Variants in SPAG16 observed in about 807,000 individuals in gnomAD.
SPAG16 encodes sperm-associated antigen 16 protein.
A neutral mutation model predicts 80.4 loss-of-function variants in SPAG16; 86 were observed. That is an observed-to-expected ratio of 1.07 (90% CI 0.90 to 1.28). The LOEUF (loss-of-function observed/expected upper bound fraction) is 1.28, where lower values mean the gene tolerates loss of function less well. Ranked by LOEUF, SPAG16 falls within the 50% of genes most tolerant of loss-of-function variation. SPAG16 has a pLI of 0.00. For missense variants in SPAG16, 870 were observed against 765.3 expected, an observed-to-expected ratio of 1.14 and a Z score of -1.61; for synonymous variants, 294 against 265.9, an observed-to-expected ratio of 1.11 and a Z score of -1.03.
chr2:213,419,961 C>T lies in SPAG16; in HGVS notation c.942+44842C>T, dbSNP rs149364255. 4.8e-3 allele frequency among the ~76,000 whole-genome samples: 730 copies of T among 152,242 alleles called. 8 individuals carry two copies. The highest frequency in any genetic ancestry group is 0.016 in the African/African-American group (683 of 41,538). On this transcript the variant is annotated intron_variant, in intron 9 of 15. Coordinates refer to ENST00000331683, the MANE Select transcript of SPAG16 (RefSeq NM_024532.5). The stretch of plus-strand genomic sequence containing the variant: ...TCTCCCTTTTCCTCAAGTAGATGAA[C>T]GTATGACAGGTTGCATTTACAATAA...
chr2:213,862,666 C>G, intron 11 of SPAG16, 38 bp downstream of exon 11: 10 of 1,607,366 alleles, frequency 6.2e-6, no homozygotes, highest in Non-Finnish European at 8.5e-6. Context: ...CCTAATCTCT[C>G]TAGGAATGTG....
chr2:213,613,536 A>AT (rs2061502852), intron 10 of SPAG16, among the ~76,000 whole-genome samples: 1 of 151,992 alleles, frequency 6.6e-6, no homozygotes, highest in African/African-American at 2.4e-5. Context: ...ATCTATAGGC[A>AT]TTTTTTCCTC....
intron 10 of SPAG16, among the ~76,000 whole-genome samples, chr2:213,684,341 G>A (rs1255397335): frequency 6.6e-6 from 1 of 152,158 alleles, no homozygotes; most frequent in Non-Finnish European, 1.5e-5. Context: ...GGTGTGCAAA[G>A]GAAAGTGGAA....
intron 13 of SPAG16, among the ~76,000 whole-genome samples, chr2:214,081,776 G>A (rs1374961569): frequency 6.6e-6 from 1 of 151,766 alleles, no homozygotes; most frequent in Non-Finnish European, 1.5e-5. Flanking sequence ...TGATGATTCT[G>A]TCTGCCTCTA....
chr2:213,736,852 G>A (rs971544596), intron 10 of SPAG16, among the ~76,000 whole-genome samples: 1 of 151,358 alleles, frequency 6.6e-6, no homozygotes, highest in East Asian at 2.0e-4. Flanking sequence ...TTACAGGCGC[G>A]CACCACCATG....
chr2:213,704,908 G>A (rs976748295), intron 10 of SPAG16, among the ~76,000 whole-genome samples: 2 of 152,052 alleles, frequency 1.3e-5, no homozygotes, highest in Non-Finnish European at 2.9e-5. Context: ...TTGTCCAGAC[G>A]AAAAGCGAAG....
intron 12 of SPAG16, among the ~76,000 whole-genome samples, chr2:213,968,859 T>G (rs1364081186): frequency 6.6e-6 from 1 of 152,238 alleles, no homozygotes; most frequent in African/African-American, 2.4e-5. Context: ...CTAACTTTTG[T>G]ACATAGCACA....
intron 9 of SPAG16, among the ~76,000 whole-genome samples, chr2:213,402,947 A>G (rs1174070257): frequency 6.6e-6 from 1 of 152,100 alleles, no homozygotes; most frequent in African/African-American, 2.4e-5. Flanking sequence ...ATACCCAGTA[A>G]TGGGATGGCT....
intron 15 of SPAG16, among the ~76,000 whole-genome samples, chr2:214,190,128 C>G (rs1298215091): frequency 6.6e-6 from 1 of 152,112 alleles, no homozygotes; most frequent in African/African-American, 2.4e-5. Flanking sequence ...CTGTCACTCT[C>G]TACACAGTCA....
chr2:213,379,746 C>T (rs1203582367), intron 9 of SPAG16, among the ~76,000 whole-genome samples: 1 of 152,172 alleles, frequency 6.6e-6, no homozygotes, highest in Non-Finnish European at 1.5e-5. Context: ...CAGTGTTGGT[C>T]TCTGCTGCTG....
chr2:213,326,728 G>A (rs1306006012), intron 5 of SPAG16, among the ~76,000 whole-genome samples: 2 of 151,748 alleles, frequency 1.3e-5, no homozygotes, highest in African/African-American at 2.4e-5. Flanking sequence ...AGCCTACTTC[G>A]ATGCAGGTAA....
At chr2:214,347,529 G>A (rs1698133268) in intron 15 of SPAG16, among the ~76,000 whole-genome samples, 2 of 152,118 alleles carry the variant, frequency 1.3e-5, no homozygotes. Context: ...GATGTTAGAA[G>A]GACTTAAGGT....
At chr2:214,398,772 G>A (rs976424909) in intron 15 of SPAG16, among the ~76,000 whole-genome samples, 2 of 152,092 alleles carry the variant, frequency 1.3e-5, no homozygotes, top group African/African-American at 4.8e-5. Context: ...TAACTTTCTG[G>A]CATAACTACT....
chr2:213,387,279 CAG>C (rs1301658980), intron 9 of SPAG16, among the ~76,000 whole-genome samples: 1 of 151,006 alleles, frequency 6.6e-6, no homozygotes, highest in African/African-American at 2.4e-5. Flanking sequence ...TATTCAATGA[CAG>C]TGCAGGAAAG....
chr2:213,971,575 C>A (rs1370978747), intron 12 of SPAG16, among the ~76,000 whole-genome samples: 1 of 152,074 alleles, frequency 6.6e-6, no homozygotes, highest in East Asian at 1.9e-4. Flanking sequence ...CAATATTATG[C>A]AACCATTACC....
chr2:213,559,675 G>C (rs184839629), intron 10 of SPAG16, among the ~76,000 whole-genome samples: 7 of 152,096 alleles, frequency 4.6e-5, no homozygotes, highest in Non-Finnish European at 7.4e-5. Context: ...AAAACCTTAA[G>C]AAATTTTTTA....
intron 10 of SPAG16, among the ~76,000 whole-genome samples, chr2:213,714,196 A>T (rs2125370191): frequency 6.6e-6 from 1 of 152,336 alleles, no homozygotes; most frequent in East Asian, 1.9e-4. Flanking sequence ...AAGTAGGTAC[A>T]AACAACTCGA....
chr2:213,598,038 C>T (rs1414180645), intron 10 of SPAG16, among the ~76,000 whole-genome samples: 4 of 152,134 alleles, frequency 2.6e-5, no homozygotes, highest in Non-Finnish European at 5.9e-5. Context: ...ACCACCTTTG[C>T]TAGCCAGGCT....
chr2:213,902,369 T>G (rs1470509087), intron 11 of SPAG16, among the ~76,000 whole-genome samples: 1 of 152,154 alleles, frequency 6.6e-6, no homozygotes, highest in African/African-American at 2.4e-5. Context: ...TTAATTGGAC[T>G]TACAGTTCCA....
Sources: allele counts gnomAD v4.1 joint callset (sites outside exome capture counted in the v4.1 genomes callset), GRCh38; gene constraint gnomAD v4.1.1; transcripts MANE v1.5; gene names NCBI Gene and HGNC (gene_info 2026-07-23, HGNC 2026-07-21).